Variants in SEPTIN7 observed in about 807,000 individuals in gnomAD.
SEPTIN7 encodes septin-7.
Under a neutral mutation model 63.3 loss-of-function variants are expected in SEPTIN7, and 10 were observed. The ratio of observed to expected loss-of-function variants is 0.16; its 90% CI spans 0.10 to 0.27. SEPTIN7 has a LOEUF of 0.27. Among genes scored for constraint, SEPTIN7 ranks in the 10% least tolerant of loss-of-function variants. SEPTIN7 has a pLI of 1.00. For missense variants in SEPTIN7, 310 were observed against 521.0 expected (o/e 0.59, Z 3.94); for synonymous variants, 131 against 165.3 (o/e 0.79, Z 1.59).
chr7:35,882,805 G>C (rs890829239), intron 8 of SEPTIN7, among the ~76,000 whole-genome samples: 1 of 151,994 alleles, frequency 6.6e-6, no homozygotes, highest in Non-Finnish European at 1.5e-5. Flanking sequence ...TTATTTCAAA[G>C]TGTTTTTAAT....
chr7:35,808,783 CATAGCATATGG>C (rs1171473722), intron 1 of SEPTIN7, among the ~76,000 whole-genome samples: 1 of 152,110 alleles, frequency 6.6e-6, no homozygotes, highest in Non-Finnish European at 1.5e-5. Context: ...ACATTAAGAC[CATAGCATATGG>C]ATAGATCATG....
chr7:35,889,792 C>T (rs891458821), intron 10 of SEPTIN7, among the ~76,000 whole-genome samples: 2 of 152,192 alleles, frequency 1.3e-5, no homozygotes, highest in African/African-American at 4.8e-5. Context: ...AATCTGCCCG[C>T]CCCGGCCTCT....
intron 9 of SEPTIN7, among the ~76,000 whole-genome samples, chr7:35,885,292 T>G (rs1178719855): frequency 6.6e-6 from 1 of 152,190 alleles, no homozygotes; most frequent in Non-Finnish European, 1.5e-5. Context: ...GAGCTGGGGC[T>G]TTAGAACTTA....
chr7:35,852,013 G>T (rs1356942301), intron 3 of SEPTIN7, among the ~76,000 whole-genome samples: 1 of 152,050 alleles, frequency 6.6e-6, no homozygotes, highest in Non-Finnish European at 1.5e-5. Context: ...CCCTTCTTAA[G>T]GCTGTCTACT....
intron 3 of SEPTIN7, among the ~76,000 whole-genome samples, chr7:35,835,318 C>G (rs1420643): frequency 0.52 from 79,007 of 151,974 alleles, 23,697 homozygotes; most frequent in African/African-American, 0.84. Flanking sequence ...GTCCTGTTGG[C>G]GGAAATAATA....
intron 3 of SEPTIN7, among the ~76,000 whole-genome samples, chr7:35,837,411 C>T (rs907598700): frequency 3.3e-5 from 5 of 152,088 alleles, no homozygotes; most frequent in African/African-American, 4.8e-5. Flanking sequence ...CATTCTTGGT[C>T]ATATTGTCAG....
In SEPTIN7 at chr7:35,882,502, G is replaced by T; in HGVS notation, c.649G>T (p.Glu217Ter). 1 of 1,470,720 alleles carries T rather than the reference G, an allele frequency of 6.8e-7. No individual in the cohort carries two copies. The highest frequency in any genetic ancestry group is 1.3e-5 in the South Asian group (1 of 76,944). 91.1% of individuals were successfully genotyped at this position (1,470,720 alleles called of 1,614,324 possible). A position where few individuals can be genotyped will look rare whatever the true frequency, so the allele number is the denominator to read the frequency against. Residue 217 changes from glutamate to a stop codon, truncating the protein, a stop_gained, in exon 8 of 14, where the codon GAA (glutamate) becomes TAA (stop). Transcript: ENST00000350320. LOFTEE classifies it high-confidence loss of function. ...ATTTTAGATAATGAAAGAAATCCAA[G>T]AACATAAAATTAAAATATACGAATT... Reference protein sequence around the residue: ...FKKQIMKEIQEHKIKIYEFPE... With the variant: ...FKKQIMKEIQ
In SEPTIN7 at chr7:35,905,971, A is replaced by G. The variant is rs1788590904; in HGVS notation, c.*1678A>G. On this transcript the variant is annotated 3_prime_UTR_variant, in exon 14 of 14. Coordinates refer to ENST00000350320, the MANE Select transcript of SEPTIN7 (RefSeq NM_001788.6). ...ATTTACTTTTTAAAATTAATGACCT[A>G]AGCGGAGGGAATAATTATAAGTCAA... 1 of 152,188 alleles carries G rather than the reference A, an allele frequency of 6.6e-6. No homozygotes were observed. The highest frequency in any genetic ancestry group is 2.4e-5 in the African/African-American group (1 of 41,446). The allele number at this position is 152,188 out of a possible 1,614,324, so 9.4% of individuals were successfully genotyped here.
At chr7:35,813,564 G>A (rs1788870049) in intron 1 of SEPTIN7, among the ~76,000 whole-genome samples, 1 of 152,048 alleles carries the variant, frequency 6.6e-6, no homozygotes, top group Non-Finnish European at 1.5e-5. Context: ...TTGTAGGCAT[G>A]GGGTTTTGCC....
At chr7:35,901,796 A>G (rs528020656) in intron 12 of SEPTIN7, 1 of 151,548 alleles carries the variant, frequency 6.6e-6, no homozygotes, top group Non-Finnish European at 1.5e-5. Flanking sequence ...TGTATATGTG[A>G]CTCTTTTCAT....
intron 4 of SEPTIN7, among the ~76,000 whole-genome samples, chr7:35,872,259 C>G (rs189359575): frequency 5.9e-5 from 9 of 152,248 alleles, no homozygotes; most frequent in African/African-American, 2.2e-4. Flanking sequence ...ATTAGATGTT[C>G]TTCTCTGATT....
intron 1 of SEPTIN7, among the ~76,000 whole-genome samples, chr7:35,817,976 T>C (rs1246303459): frequency 6.6e-6 from 1 of 152,038 alleles, no homozygotes; most frequent in African/African-American, 2.4e-5. Flanking sequence ...ACAATCTAGA[T>C]ACATTTTATT....
At chr7:35,880,179 A>ATTTTCTT (rs70974778) in intron 7 of SEPTIN7, among the ~76,000 whole-genome samples, 40,923 of 101,174 alleles carry the variant, frequency 0.4, 6,450 homozygotes, top group Middle Eastern at 0.47. Context: ...CTTTAGAATT[A>ATTTTCTT]TTTTCTTTTT....
At chr7:35,838,812 C>T (rs1784263484) in intron 3 of SEPTIN7, among the ~76,000 whole-genome samples, 3 of 151,930 alleles carry the variant, frequency 2.0e-5, no homozygotes, top group African/African-American at 4.8e-5. Context: ...ATCTTAAATC[C>T]GTATGGTTTT....
intron 4 of SEPTIN7, among the ~76,000 whole-genome samples, chr7:35,869,639 T>A (rs1786026822): frequency 6.6e-6 from 1 of 152,238 alleles, no homozygotes; most frequent in African/African-American, 2.4e-5. Context: ...TGACACTGTA[T>A]AATAAACATT....
chr7:35,897,150 A>T (rs57223188), intron 11 of SEPTIN7, among the ~76,000 whole-genome samples: 2,652 of 152,100 alleles, frequency 0.017, 58 homozygotes, highest in East Asian at 0.062. Flanking sequence ...TTAATTTTTT[A>T]AAAAAAATTA....
At chr7:35,887,845 A>G (rs1438084836) in intron 10 of SEPTIN7, among the ~76,000 whole-genome samples, 2 of 152,254 alleles carry the variant, frequency 1.3e-5, no homozygotes, top group Non-Finnish European at 2.9e-5. Context: ...TGTCTTTAAG[A>G]CAAAGCCATC....
intron 1 of SEPTIN7, among the ~76,000 whole-genome samples, chr7:35,826,221 C>T (rs1336762821): frequency 6.6e-6 from 1 of 151,874 alleles, no homozygotes; most frequent in South Asian, 2.1e-4. Context: ...AGACACATAT[C>T]TGTGTATGAT....
At chr7:35,865,744 A>T (rs1295415056) in intron 4 of SEPTIN7, among the ~76,000 whole-genome samples, 1 of 152,020 alleles carries the variant, frequency 6.6e-6, no homozygotes, top group Admixed American at 6.5e-5. Context: ...CTGTCATTTT[A>T]TTCCTGATTT....
Sources: allele counts gnomAD v4.1 joint callset (sites outside exome capture counted in the v4.1 genomes callset), GRCh38; gene constraint gnomAD v4.1.1; transcripts MANE v1.5; gene names NCBI Gene and HGNC (gene_info 2026-07-23, HGNC 2026-07-21).